Variants in GGTA1 observed in about 807,000 individuals in gnomAD.
GGTA1 encodes inactive N-acetyllactosaminide alpha-1,3-galactosyltransferase.
In GGTA1, 5 loss-of-function variants were observed where a neutral mutation model predicts 2.6. The observed-to-expected ratio is 1.92, with a 90% CI of 1.00 to 4.04. GGTA1 has a LOEUF of 4.04. Among genes scored for constraint, GGTA1 ranks in the 30% most tolerant of loss-of-function variants. The pLI, the probability that GGTA1 is intolerant of heterozygous loss-of-function variation, is 0.00. For synonymous variants in GGTA1, 17 were observed against 5.0 expected (o/e 3.38, Z -3.19); for missense variants, 50 against 16.7 (o/e 2.99, Z -3.47).
chr9:121,489,795 ATG>A (rs1292516695), intron 1 of GGTA1, among the ~76,000 whole-genome samples: 1 of 151,876 alleles, frequency 6.6e-6, no homozygotes, highest in Non-Finnish European at 1.5e-5. Flanking sequence ...TCTCCTGGGG[ATG>A]TGTGTGTGTT....
intron 2 of GGTA1, among the ~76,000 whole-genome samples, chr9:121,464,032 A>G (rs2064983363): frequency 6.6e-6 from 1 of 152,198 alleles, no homozygotes; most frequent in South Asian, 2.1e-4. Context: ...CAGGCCATGG[A>G]TTTATAGATT....
rs139572233 is a variant in GGTA1 at position 121,488,713 on chromosome 9, G to A, written c.-10+10937C>T. Among the ~76,000 whole-genome samples the A allele has an allele frequency of 1.1e-3, 165 of 150,908 alleles. 1 individual carries two copies. The highest frequency in any genetic ancestry group is 3.6e-3 in the African/African-American group (147 of 41,034). On this transcript the variant is annotated intron_variant, in intron 1 of 5. Coordinates refer to ENST00000481799, the MANE Select transcript of GGTA1 (RefSeq NM_001382585.1). ...GCCTGGGCAACAAGAGTGAAACTCC[G>A]TCTCAAAAAGCAAAAAAATTAGCCT...
rs1828707575 is a variant in GGTA1 at position 121,484,107 on chromosome 9, T to G, written c.-10+15543A>C. Among the ~76,000 whole-genome samples, 5 of 152,190 alleles carry G rather than the reference T, an allele frequency of 3.3e-5. No individual in the cohort carries two copies. In the South Asian group the frequency reaches 8.3e-4, roughly 25 times the overall value. ...CCTATTGGGTGCAATGTTCACTATTTGGGTGACGGATACACTAAAAGCCCA... is the reference window on the plus strand; with the variant it reads ...CCTATTGGGTGCAATGTTCACTATTGGGGTGACGGATACACTAAAAGCCCA... On this transcript the variant is annotated intron_variant, in intron 1 of 5. Transcript: ENST00000481799.
intron 5 of GGTA1, among the ~76,000 whole-genome samples, chr9:121,458,602 G>T (rs2064933306): frequency 6.6e-6 from 1 of 150,968 alleles, no homozygotes; most frequent in Admixed American, 6.6e-5. Context: ...CCTCCAGCCT[G>T]GTGGCAGAAT....
At chr9:121,468,016 C>T (rs1213223319) in intron 1 of GGTA1, 85 bp from the exon 2 acceptor site, 2 of 411,048 alleles carry the variant, frequency 4.9e-6, no homozygotes, top group African/African-American at 4.2e-5. Context: ...ATGCTTTTAC[C>T]CCGTTCTTTT....
intron 3 of GGTA1, among the ~76,000 whole-genome samples, chr9:121,461,701 TA>T (rs1471161889): frequency 6.6e-6 from 1 of 152,240 alleles, no homozygotes; most frequent in Non-Finnish European, 1.5e-5. Context: ...AAAGTATAGT[TA>T]ATAGTACTAA....
chr9:121,483,824 C>T (rs543520347), intron 1 of GGTA1, among the ~76,000 whole-genome samples: 24 of 152,348 alleles, frequency 1.6e-4, no homozygotes, highest in African/African-American at 5.8e-4. Context: ...ACCTGCTTAC[C>T]TCTGTGGAGG....
At chr9:121,494,994 A>G (rs1305384573) in intron 1 of GGTA1, among the ~76,000 whole-genome samples, 3 of 139,632 alleles carry the variant, frequency 2.1e-5, no homozygotes, top group Non-Finnish European at 3.0e-5. Flanking sequence ...GTGCCATCTC[A>G]GCTCACTGCA....
At chr9:121,447,617 C>A (rs978499171) in intron 7 of GGTA1, 9 of 152,538 alleles carry the variant, frequency 5.9e-5, no homozygotes, top group African/African-American at 1.9e-4. Context: ...AGAAGAAAAG[C>A]AAAACATTTA....
At chr9:121,474,248 C>T (rs555306910) in intron 1 of GGTA1, among the ~76,000 whole-genome samples, 1 of 152,248 alleles carries the variant, frequency 6.6e-6, no homozygotes, top group East Asian at 1.9e-4. Context: ...CTCTCAGACC[C>T]TCTGCCTTAA....
At chr9:121,466,814 G>T (rs1188050678) in intron 2 of GGTA1, among the ~76,000 whole-genome samples, 1 of 152,172 alleles carries the variant, frequency 6.6e-6, no homozygotes, top group South Asian at 2.1e-4. Flanking sequence ...TTAGCTGGGC[G>T]TGGTAATACA....
intron 1 of GGTA1, among the ~76,000 whole-genome samples, chr9:121,470,946 C>T (rs1828374875): frequency 6.6e-6 from 1 of 152,234 alleles, no homozygotes; most frequent in African/African-American, 2.4e-5. Flanking sequence ...TTGCAATTCC[C>T]CTGTCTTGAT....
downstream of GGTA1, among the ~76,000 whole-genome samples, chr9:121,454,301 ACAGCCCTG>A (rs1361378162): frequency 6.6e-6 from 1 of 152,222 alleles, no homozygotes; most frequent in Non-Finnish European, 1.5e-5. Context: ...AGTCTCTGCA[ACAGCCCTG>A]CAATGTATCA....
chr9:121,476,455 C>A lies in GGTA1; in HGVS notation c.-9-8524G>T, dbSNP rs560493829. The stretch of plus-strand genomic sequence containing the variant: ...AGACTCCTTGGCCCAGAAACAAGTC[C>A]TTTGGAGCTAAGATTCCCCAGTAAT... On this transcript the variant is annotated intron_variant, in intron 1 of 5. Coordinates refer to ENST00000481799, the MANE Select transcript of GGTA1 (RefSeq NM_001382585.1). The surrounding 1 kb of genome is among the most constrained non-coding windows in gnomAD (Gnocchi z 4.6). 2.0e-5 allele frequency among the ~76,000 whole-genome samples: 3 copies of A among 152,172 alleles called. No individual in the cohort carries two copies. Among genetic ancestry groups the A allele is most frequent in the Non-Finnish European group, 4.4e-5 (3 of 68,038 alleles).
intron 7 of GGTA1, among the ~76,000 whole-genome samples, chr9:121,448,655 AT>A (rs35051899): frequency 1.2e-4 from 18 of 152,258 alleles, no homozygotes; most frequent in Middle Eastern, 6.8e-3. Flanking sequence ...AATAAGGACT[AT>A]TTTTTTAGAG....
At chr9:121,445,846 G>A (rs757386650) in exon 8 of GGTA1, 1 of 152,160 alleles carries the variant, frequency 6.6e-6, no homozygotes, top group Non-Finnish European at 1.5e-5. Flanking sequence ...GGGTATGATG[G>A]GCTGAGGAAC....
intron 2 of GGTA1, among the ~76,000 whole-genome samples, chr9:121,467,639 A>G (rs1041169623): frequency 1.3e-5 from 2 of 152,212 alleles, no homozygotes; most frequent in African/African-American, 2.4e-5. Flanking sequence ...AGGAAGGAAG[A>G]TAAGTAGTTA....
intron 1 of GGTA1, among the ~76,000 whole-genome samples, chr9:121,468,227 T>A (rs1304397529): frequency 6.6e-6 from 1 of 152,158 alleles, no homozygotes; most frequent in African/African-American, 2.4e-5. Context: ...TGTCCAGGTG[T>A]TCTCATAGTT....
chr9:121,486,889 C>T (rs772149703), intron 1 of GGTA1, among the ~76,000 whole-genome samples: 29 of 152,192 alleles, frequency 1.9e-4, no homozygotes, highest in Non-Finnish European at 3.5e-4. Flanking sequence ...TTTCCTTTCC[C>T]GGTTTGCCCA....
Sources: gnomAD v4.1 joint callset for allele counts (sites outside exome capture counted in the v4.1 genomes callset) on GRCh38, gnomAD v4.1.1 for gene constraint, Gnocchi (gnomAD v3.1) non-coding constraint, MANE v1.5 for transcripts, NCBI Gene and HGNC (gene_info 2026-07-23, HGNC 2026-07-21) for gene names.